Variants in CHST7 observed in about 807,000 individuals in gnomAD.
CHST7 encodes the protein carbohydrate sulfotransferase 7.
Under a neutral mutation model 9.0 loss-of-function variants are expected in CHST7, and 5 were observed. The ratio of observed to expected loss-of-function variants is 0.56; its 90% CI spans 0.29 to 1.17. The LOEUF is 1.17. Ranked by LOEUF, CHST7 falls within the 50% of genes most tolerant of loss-of-function variation. CHST7 has a pLI of 0.08. For missense variants in CHST7, 377 were observed against 485.1 expected, an observed-to-expected ratio of 0.78 and a Z score of 2.09; for synonymous variants, 244 against 237.1, an observed-to-expected ratio of 1.03 and a Z score of -0.27.
intron 1 of CHST7, among the ~76,000 whole-genome samples, chrX:46,577,389 T>C (rs191573115): frequency 1.8e-5 from 2 of 110,939 alleles, no homozygotes; most frequent in Admixed American, 1.9e-4. Context: ...TCCTCCCGCA[T>C]TGGGCACTTA....
chrX:46,582,343 T>C (rs1367679919), intron 1 of CHST7, among the ~76,000 whole-genome samples: 1 of 112,321 alleles, frequency 8.9e-6, no homozygotes. Context: ...TGAGAGGTAA[T>C]GTTCTTCAAA....
chrX:46,578,955 C>G (rs1942512862), intron 1 of CHST7, among the ~76,000 whole-genome samples: 1 of 110,298 alleles, frequency 9.1e-6, no homozygotes, highest in Admixed American at 9.7e-5. Flanking sequence ...AGCTCCACCC[C>G]CAGAGATTCT....
At position 46,574,372 on chromosome X, in the gene CHST7, G is replaced by T. The variant is rs749031627; in HGVS notation, c.441G>T (p.Glu147Asp). The T allele has an allele frequency of 1.7e-6, 2 of 1,209,448 alleles. No homozygotes were observed. Among genetic ancestry groups the T allele is most frequent in the South Asian group, 1.8e-5 (1 of 57,017 alleles). Residue 147 changes from glutamate to aspartate, a missense_variant, in exon 1 of 2, where the codon GAG (glutamate) becomes GAT (aspartate). Around this residue, in one of 3 missense-constraint regions of CHST7, gnomAD observed 239 missense variants for 325.7 expected, o/e 0.73. Coordinates refer to ENST00000276055, the MANE Select transcript of CHST7 (RefSeq NM_019886.4). ...LWQALYPGDA[E>D]SLQGALRDML... ...AGGCGCTGTATCCGGGCGACGCCGA[G>T]AGCTTGCAGGGCGCGCTGCGCGACA... is the stretch of plus-strand genomic sequence containing the variant.
At chrX:46,594,909 A>C (rs1942587129) in intron 1 of CHST7, among the ~76,000 whole-genome samples, 1 of 111,541 alleles carries the variant, frequency 9.0e-6, no homozygotes, top group Admixed American at 9.5e-5. Context: ...ATGGTTCCAC[A>C]GGCCCCTGAG....
At position 46,574,559 on chromosome X, in the gene CHST7, GC is replaced by G; in HGVS notation, c.629del (p.Ala210AspfsTer62). 1 of 1,206,199 alleles carries G rather than the reference GC, an allele frequency of 8.3e-7. No homozygotes were observed. The highest frequency in any genetic ancestry group is 1.1e-6 in the Non-Finnish European group (1 of 892,559). On this transcript the variant is annotated frameshift_variant, in exon 1 of 2. Coordinates refer to ENST00000276055, the MANE Select transcript of CHST7 (RefSeq NM_019886.4). LOFTEE classifies it low-confidence loss of function (END_TRUNC). ...VICSPPLCPG[A>X]PRARAEVGLV... ...CTGCTCGCCGCCACTGTGTCCTGGCGCACCCCGTGCCCGGGCCGAGGTGGGC... is the reference window on the plus strand; with the variant it reads ...CTGCTCGCCGCCACTGTGTCCTGGCGACCCCGTGCCCGGGCCGAGGTGGGC...
chrX:46,577,820 A>G (rs756938797), intron 1 of CHST7, among the ~76,000 whole-genome samples: 1 of 111,634 alleles, frequency 9.0e-6, no homozygotes, highest in East Asian at 2.8e-4. Context: ...TATTACTAAT[A>G]TGTCCCAACC....
intron 1 of CHST7, among the ~76,000 whole-genome samples, chrX:46,588,634 G>A (rs1942560097): frequency 9.0e-6 from 1 of 110,849 alleles, no homozygotes; most frequent in Admixed American, 9.7e-5. Context: ...GGGCCTGGCT[G>A]GTCATTTAAA....
chrX:46,575,565 T>C (rs768224156), intron 1 of CHST7, 142 bp downstream of exon 1: 19 of 504,664 alleles, frequency 3.8e-5, no homozygotes, highest in Non-Finnish European at 5.0e-5. Context: ...GGGAAAGTCC[T>C]GCTCGTAGAA....
intron 1 of CHST7, among the ~76,000 whole-genome samples, chrX:46,585,807 G>A (rs1569492029): frequency 1.8e-5 from 2 of 111,795 alleles, no homozygotes; most frequent in East Asian, 2.8e-4. Context: ...GTGCAGTGAC[G>A]CGATATCGGC....
At chrX:46,577,123 CT>C (rs34822854) in intron 1 of CHST7, among the ~76,000 whole-genome samples, 789 of 69,283 alleles carry the variant, frequency 0.011, 1 homozygote, top group East Asian at 0.025. Context: ...GAAACTTTTG[CT>C]TTTTTTTTTT....
In CHST7 at chrX:46,573,915, T is replaced by C. The variant is rs1238492683; in HGVS notation, c.-17T>C. The C allele has an allele frequency of 8.7e-6, 10 of 1,153,819 alleles. No individual in the cohort carries two copies. Among genetic ancestry groups the C allele is most frequent in the Non-Finnish European group, 1.0e-5 (9 of 872,150 alleles). ...GAGAAGACTGGCGCCCGACCCGCTC[T>C]GGAGGGTCGGTGAACGATGAAGGGC... On this transcript the variant is annotated 5_prime_UTR_variant, in exon 1 of 2. Transcript: ENST00000276055.
At chrX:46,582,316 A>G (rs1455749964) in intron 1 of CHST7, among the ~76,000 whole-genome samples, 1 of 112,341 alleles carries the variant, frequency 8.9e-6, no homozygotes, top group African/African-American at 3.2e-5. Flanking sequence ...AGCAAAAGGT[A>G]TATGCTTTGT....
chrX:46,594,730 T>C (rs1226830541), intron 1 of CHST7, among the ~76,000 whole-genome samples: 1 of 111,288 alleles, frequency 9.0e-6, no homozygotes, highest in Non-Finnish European at 1.9e-5. Context: ...GACTATGCCA[T>C]GGCTTGGTGT....
Position 46,575,431 on chromosome X carries a change from G to A in CHST7, c.*31+8G>A, listed in dbSNP as rs763536246. 4 of 1,011,567 alleles carry A rather than the reference G, an allele frequency of 4.0e-6. No individual in the cohort carries two copies. The highest frequency in any genetic ancestry group is 2.5e-6 in the Non-Finnish European group (2 of 801,257). The allele number at this position is 1,011,567 out of a possible 1,213,427, so 83.4% of individuals were successfully genotyped here. Reference sequence around the variant, plus strand: ...TCCCCGGCACGGATCCGGGTAAGGTGGCCCGGGGCAAGGCAGGGACCGGGA... The same window carrying A: ...TCCCCGGCACGGATCCGGGTAAGGTAGCCCGGGGCAAGGCAGGGACCGGGA... On this transcript the variant is annotated splice_region_variant and intron_variant, in intron 1 of 1. Coordinates refer to ENST00000276055, the MANE Select transcript of CHST7 (RefSeq NM_019886.4).
chrX:46,595,601 G>T (rs1182721242), intron 1 of CHST7, among the ~76,000 whole-genome samples: 1 of 110,336 alleles, frequency 9.1e-6, no homozygotes, highest in Non-Finnish European at 1.9e-5. Context: ...TTTTGTGTGT[G>T]TCTGTCACAG....
intron 1 of CHST7, among the ~76,000 whole-genome samples, chrX:46,577,705 C>T (rs1942506239): frequency 8.9e-6 from 1 of 111,812 alleles, no homozygotes; most frequent in South Asian, 3.7e-4. Context: ...CTCCAGAGCT[C>T]ATAATCCTCT....
Position 46,575,200 on chromosome X carries a change from A to G in CHST7, c.1269A>G (p.Ser423=). 4.5e-6 allele frequency: 5 copies of G among 1,102,775 alleles called. No homozygotes were observed. Among genetic ancestry groups the G allele is most frequent in the Non-Finnish European group, 3.5e-6 (3 of 850,486 alleles). The allele number at this position is 1,102,775 out of a possible 1,213,427, so 90.9% of individuals were successfully genotyped here. ...GCGCCGACCGGCCCTTCCACCTGTC[A>G]GCGCGCGACGCCCGGGAGGCGGTGC... The part of the protein sequence containing the change: ...AYGADRPFHL[S]ARDAREAVHA... Residue 423 remains serine (S), a synonymous_variant, in exon 1 of 2, where the codon TCA becomes TCG. Transcript: ENST00000276055.
intron 1 of CHST7, among the ~76,000 whole-genome samples, chrX:46,585,565 C>T (rs1245525233): frequency 5.4e-5 from 6 of 110,660 alleles, no homozygotes; most frequent in Non-Finnish European, 1.1e-4. Flanking sequence ...GCTGGGATTA[C>T]AGGGGTGACC....
chrX:46,575,909 G>A (rs1942497323), intron 1 of CHST7, among the ~76,000 whole-genome samples: 1 of 111,912 alleles, frequency 8.9e-6, no homozygotes, highest in African/African-American at 3.3e-5. Flanking sequence ...AAAGCAGAGA[G>A]TTTGGTGGAA....
Sources: gnomAD v4.1 joint callset for allele counts (sites outside exome capture counted in the v4.1 genomes callset) on GRCh38, gnomAD v4.1.1 for gene constraint, gnomAD v4.1.1 regional missense constraint, MANE v1.5 for transcripts, NCBI Gene and HGNC (gene_info 2026-07-23, HGNC 2026-07-21) for gene names.